The following MGAT4C variants were observed in gnomAD, a reference collection of about 807,000 sequenced individuals.
MGAT4C encodes MGAT4 family member C.
A neutral mutation model predicts 40.1 loss-of-function variants in MGAT4C; 19 were observed. The ratio of observed to expected loss-of-function variants is 0.47; its 90% CI spans 0.33 to 0.70. MGAT4C has a LOEUF of 0.70. MGAT4C is among the 30% of genes least tolerant of loss of function. The probability of loss-of-function intolerance (pLI) is 0.02; values close to 1 mark genes in which losing one functional copy is unlikely to be tolerated. For synonymous variants in MGAT4C, 181 were observed against 187.1 expected (o/e 0.97, Z 0.27); for missense variants, 491 against 563.2 (o/e 0.87, Z 1.30).
intron 1 of MGAT4C, among the ~76,000 whole-genome samples, chr12:86,744,877 G>A (rs752002008): frequency 2.6e-5 from 4 of 151,428 alleles, no homozygotes; most frequent in Admixed American, 6.6e-5. Flanking sequence ...ATCCAAACCC[G>A]ACAATTAAAA....
At chr12:86,757,981 G>T (rs1007542922) in intron 1 of MGAT4C, among the ~76,000 whole-genome samples, 1 of 152,034 alleles carries the variant, frequency 6.6e-6, no homozygotes, top group Admixed American at 6.6e-5. Flanking sequence ...GTATCCTGAG[G>T]GTGAGCTGAA....
Position 85,967,950 on chromosome 12 carries a change from T to C in MGAT4C, c.*11339A>G, listed in dbSNP as rs1214652725. 6.6e-6 allele frequency: 1 copy of C among 152,128 alleles called. No homozygotes were observed. The highest frequency in any genetic ancestry group is 1.5e-5 in the Non-Finnish European group (1 of 67,976). The allele number at this position is 152,128 out of a possible 1,614,324, so 9.4% of individuals were successfully genotyped here. On this transcript the variant is annotated 3_prime_UTR_variant, in exon 5 of 5. Transcript: ENST00000611864. ...ATACATTATTTCATTTGTGGAAATA[T>C]ATTGAGGCCTATATCAATAACCTCA...
chr12:86,418,643 A>T (rs1016070083), intron 3 of MGAT4C, among the ~76,000 whole-genome samples: 2 of 151,906 alleles, frequency 1.3e-5, no homozygotes, highest in African/African-American at 4.8e-5. Context: ...ATGAATAAGT[A>T]TTCATTTTTG....
intron 4 of MGAT4C, among the ~76,000 whole-genome samples, chr12:86,331,567 C>G (rs1017177802): frequency 6.6e-6 from 1 of 152,108 alleles, no homozygotes; most frequent in African/African-American, 2.4e-5. Flanking sequence ...TCACCAGTTT[C>G]TGGTGTTTCT....
intron 1 of MGAT4C, among the ~76,000 whole-genome samples, chr12:86,774,165 G>T (rs1565981096): frequency 6.6e-6 from 1 of 151,564 alleles, no homozygotes; most frequent in Non-Finnish European, 1.5e-5. Flanking sequence ...TGTTGGCCAG[G>T]CTGGTCTTGA....
chr12:86,815,526 CA>C lies in MGAT4C; in HGVS notation c.-262+23139del, dbSNP rs71309505. Among the ~76,000 whole-genome samples the C allele has an allele frequency of 2.6e-3, 366 of 143,068 alleles. 1 individual carries two copies. Among genetic ancestry groups the C allele is most frequent in the African/African-American group, 8.3e-3 (324 of 38,908 alleles). 93.9% of individuals were successfully genotyped at this position (143,068 alleles called of 152,430 possible). ...ACCCAGAAGAAAATAAGTCATTATT[CA>C]AAAAAAAAAATACATGTACACACAT... On this transcript the variant is annotated intron_variant, in intron 1 of 7. Coordinates refer to the MGAT4C transcript ENST00000548651.
Position 86,609,499 on chromosome 12 carries a change from A to G in MGAT4C, c.-229+117710T>C. 1.3e-5 allele frequency among the ~76,000 whole-genome samples: 2 copies of G among 152,174 alleles called. 1 individual carries two copies. The highest frequency in any genetic ancestry group is 3.8e-4 in the East Asian group (2 of 5,198). On this transcript the variant is annotated intron_variant, in intron 2 of 7. Coordinates refer to the MGAT4C transcript ENST00000548651. ...ACTACTGATAAACAAAATTGATTGTAGATCAGATAGGGTTAAGAAACAGAT... is the reference window on the plus strand; with the variant it reads ...ACTACTGATAAACAAAATTGATTGTGGATCAGATAGGGTTAAGAAACAGAT...
chr12:86,489,644 AC>A (rs1958093273), intron 2 of MGAT4C, among the ~76,000 whole-genome samples: 1 of 152,206 alleles, frequency 6.6e-6, no homozygotes, highest in Non-Finnish European at 1.5e-5. Flanking sequence ...TCCTGCTGGC[AC>A]TGAAGCTGCT....
At chr12:86,399,726 C>T (rs1287961430) in intron 3 of MGAT4C, among the ~76,000 whole-genome samples, 1 of 152,188 alleles carries the variant, frequency 6.6e-6, no homozygotes, top group African/African-American at 2.4e-5. Flanking sequence ...AACAGGAACT[C>T]ATCCACATGC....
intron 1 of MGAT4C, among the ~76,000 whole-genome samples, chr12:86,236,914 T>C (rs939066413): frequency 4.0e-5 from 6 of 151,686 alleles, no homozygotes; most frequent in African/African-American, 1.5e-4. Flanking sequence ...GCCAAATTTG[T>C]ATACCTGGTA....
At chr12:86,078,174 C>T (rs1870141508) in intron 1 of MGAT4C, among the ~76,000 whole-genome samples, 2 of 152,130 alleles carry the variant, frequency 1.3e-5, no homozygotes, top group African/African-American at 4.8e-5. Flanking sequence ...ATATTGGATG[C>T]TGATTCAGAG....
chr12:86,081,807 C>T lies in MGAT4C; in HGVS notation c.-56-32084G>A, dbSNP rs532270571. ...TAAGGCCAACTATCTGGAAATATCC[C>T]CCCGTTGTCCTAAGATATAACATTG... On this transcript the variant is annotated intron_variant, in intron 1 of 4. Transcript: ENST00000611864. Among the ~76,000 whole-genome samples, 3 of 152,206 alleles carry T rather than the reference C, an allele frequency of 2.0e-5. No individual in the cohort carries two copies. In the South Asian group the frequency reaches 6.2e-4, roughly 32 times the overall value.
At chr12:85,985,206 GT>G (rs1418009591) in intron 3 of MGAT4C, among the ~76,000 whole-genome samples, 1 of 152,196 alleles carries the variant, frequency 6.6e-6, no homozygotes, top group African/African-American at 2.4e-5. Flanking sequence ...TCATTAAAAG[GT>G]TAATTAAAGC....
intron 2 of MGAT4C, among the ~76,000 whole-genome samples, chr12:86,624,904 T>C (rs1251335741): frequency 1.3e-5 from 2 of 152,064 alleles, no homozygotes; most frequent in Non-Finnish European, 2.9e-5. Flanking sequence ...ATAAAAAATT[T>C]TGGTTCCATG....
chr12:86,798,677 A>T (rs2136200709), intron 1 of MGAT4C, among the ~76,000 whole-genome samples: 1 of 152,006 alleles, frequency 6.6e-6, no homozygotes, highest in South Asian at 2.1e-4. Context: ...GTGAAAAATG[A>T]ATGAAGTATG....
chr12:86,493,052 A>C (rs1307389461), intron 2 of MGAT4C, among the ~76,000 whole-genome samples: 3 of 150,828 alleles, frequency 2.0e-5, no homozygotes, highest in Non-Finnish European at 4.4e-5. Flanking sequence ...AAAAATGCTC[A>C]CCATCACTGG....
chr12:86,409,528 CA>C (rs2136244099), intron 3 of MGAT4C, among the ~76,000 whole-genome samples: 1 of 152,212 alleles, frequency 6.6e-6, no homozygotes, highest in East Asian at 1.9e-4. Flanking sequence ...AAAGTTTGCA[CA>C]AAAGACATCA....
intron 3 of MGAT4C, among the ~76,000 whole-genome samples, chr12:86,341,557 A>AC (rs1286670572): frequency 6.6e-6 from 1 of 152,228 alleles, no homozygotes; most frequent in Non-Finnish European, 1.5e-5. Context: ...GATTAGACCC[A>AC]CTGGCTTAAA....
At position 86,560,765 on chromosome 12, in the gene MGAT4C, C is replaced by G. The variant is rs73389847; in HGVS notation, c.-228-125500G>C. ...TCCCAATTTCACCAGTTGTATTAAA[C>G]ATATTACTTACTGAAAGTACTATTC... On this transcript the variant is annotated intron_variant, in intron 2 of 7. Transcript: ENST00000548651. Among the ~76,000 whole-genome samples the G allele has an allele frequency of 3.3e-3, 498 of 152,198 alleles. 2 individuals are homozygous for G. The highest frequency in any genetic ancestry group is 0.012 in the African/African-American group (485 of 41,544).
Sources: gnomAD v4.1 joint callset for allele counts (sites outside exome capture counted in the v4.1 genomes callset) on GRCh38, gnomAD v4.1.1 for gene constraint, MANE v1.5 for transcripts, NCBI Gene and HGNC (gene_info 2026-07-23, HGNC 2026-07-21) for gene names.